ATRX: variants seen among roughly 807,000 people sequenced by gnomAD.
The protein encoded by ATRX is chromatin remodeler ATRX.
A neutral mutation model predicts 172.6 loss-of-function variants in ATRX; 12 were observed. The observed-to-expected ratio is 0.07, with a 90% confidence interval of 0.04 to 0.11. The LOEUF (loss-of-function observed/expected upper bound fraction) is 0.11, where lower values mean the gene tolerates loss of function less well. Ranked by LOEUF, ATRX falls within the 10% of genes least tolerant of loss-of-function variation. The probability of loss-of-function intolerance (pLI) is 1.00; values close to 1 mark genes in which losing one functional copy is unlikely to be tolerated. For missense variants in ATRX, 1,368 were observed against 1,767.4 expected (o/e 0.77, Z 4.05); for synonymous variants, 674 against 594.7 (o/e 1.13, Z -1.94).
chrX:77,629,434 T>G (rs2068012934), intron 19 of ATRX, among the ~76,000 whole-genome samples: 1 of 112,174 alleles, frequency 8.9e-6, no homozygotes, highest in Admixed American at 9.4e-5. Flanking sequence ...ACCTTAAAAC[T>G]TAACAACAGT....
intron 1 of ATRX, among the ~76,000 whole-genome samples, chrX:77,750,394 TA>T (rs2075254345): frequency 9.0e-6 from 1 of 111,686 alleles, no homozygotes; most frequent in South Asian, 3.7e-4. Flanking sequence ...CACAAACGTA[TA>T]ACACCACCTT....
At chrX:77,662,942 G>A (rs928342067) in intron 12 of ATRX, among the ~76,000 whole-genome samples, 5 of 111,861 alleles carry the variant, frequency 4.5e-5, no homozygotes, top group Non-Finnish European at 9.4e-5. Context: ...TGATCCACCC[G>A]ACTTGGCCTC....
chrX:77,667,581 A>T (rs1344723236), intron 10 of ATRX, among the ~76,000 whole-genome samples: 1 of 111,519 alleles, frequency 9.0e-6, no homozygotes, highest in Non-Finnish European at 1.9e-5. Flanking sequence ...TAATTGTAGG[A>T]AATCACACAA....
chrX:77,743,505 A>T lies in ATRX; in HGVS notation c.21-26262T>A, dbSNP rs1454101707. On this transcript the variant is annotated intron_variant, in intron 1 of 34. Coordinates refer to ENST00000373344, the MANE Select transcript of ATRX (RefSeq NM_000489.6). Reference sequence around the variant, plus strand: ...GGTTACCAGGGGATTCCACAACCAAACCCACTACCTGAAACACTCTGAAAC... The same window carrying T: ...GGTTACCAGGGGATTCCACAACCAATCCCACTACCTGAAACACTCTGAAAC... 7.2e-5 allele frequency among the ~76,000 whole-genome samples: 8 copies of T among 110,420 alleles called. No homozygotes were observed. In the Admixed American group the frequency reaches 7.8e-4, roughly 11 times the overall value.
intron 27 of ATRX, among the ~76,000 whole-genome samples, chrX:77,574,843 G>C (rs45533940): frequency 9.0e-6 from 1 of 110,983 alleles, no homozygotes. Context: ...CTATGGGGTA[G>C]CTGCAAATTT....
At chrX:77,763,612 AG>A (rs1199250049) in intron 1 of ATRX, among the ~76,000 whole-genome samples, 2 of 107,204 alleles carry the variant, frequency 1.9e-5, no homozygotes, top group Non-Finnish European at 3.9e-5. Context: ...CTAGGATTAC[AG>A]GCGCCCACCA....
In ATRX at chrX:77,551,802, G is replaced by T. The variant is rs1012446923; in HGVS notation, c.6699+5649C>A. ...CAAACAAACAACCCCGTCAACAAGTGAGTGAAGGGTATGAACAGACACTTC... is the reference window on the plus strand; with the variant it reads ...CAAACAAACAACCCCGTCAACAAGTTAGTGAAGGGTATGAACAGACACTTC... On this transcript the variant is annotated intron_variant, in intron 30 of 34. Transcript: ENST00000373344. Among the ~76,000 whole-genome samples the T allele has an allele frequency of 1.2e-4, 13 of 112,088 alleles. 1 individual carries two copies. The highest frequency in any genetic ancestry group is 3.9e-4 in the African/African-American group (12 of 30,779).
chrX:77,591,686 G>T (rs2066262146), intron 26 of ATRX, among the ~76,000 whole-genome samples: 1 of 112,006 alleles, frequency 8.9e-6, no homozygotes. Flanking sequence ...CTGGTGCTCA[G>T]CTCAAATGAC....
At chrX:77,728,507 T>C (rs1279016547) in intron 1 of ATRX, among the ~76,000 whole-genome samples, 1 of 111,700 alleles carries the variant, frequency 9.0e-6, no homozygotes, top group Non-Finnish European at 1.9e-5. Flanking sequence ...AAGAAATGAA[T>C]ATAAAACTGC....
intron 11 of ATRX, among the ~76,000 whole-genome samples, chrX:77,664,329 G>A (rs1475354709): frequency 2.8e-5 from 3 of 108,289 alleles, no homozygotes; most frequent in Admixed American, 9.9e-5. Context: ...GCGTGATCTC[G>A]GCTCACTGCA....
chrX:77,540,847 G>A (rs1302790215), intron 30 of ATRX, among the ~76,000 whole-genome samples: 2 of 111,856 alleles, frequency 1.8e-5, no homozygotes, highest in African/African-American at 6.5e-5. Flanking sequence ...AGCACTAAAT[G>A]CCCACAAGAG....
In ATRX at chrX:77,664,722, T is replaced by C. The variant is rs2070140059; in HGVS notation, c.3866A>G (p.Asp1289Gly). ...TTCTGGCTCATCATCTGAAGATCCATCCTCATCAGAGGAAAGATTGGCTTT... is the reference window on the plus strand; with the variant it reads ...TTCTGGCTCATCATCTGAAGATCCACCCTCATCAGAGGAAAGATTGGCTTT... The part of the protein sequence containing the change: ...EIKANLSSDE[D>G]GSSDDEPEEG... The change falls in exon 11 of 35, where the codon GAT (aspartate) becomes GGT (glycine). Residue 1289 changes from aspartate to glycine, a missense_variant. By Grantham distance (94) the Asp-to-Gly change is moderately conservative (BLOSUM62 -1). Coordinates refer to ENST00000373344, the MANE Select transcript of ATRX (RefSeq NM_000489.6). The C allele has an allele frequency of 8.3e-7, 1 of 1,208,083 alleles. No individual in the cohort carries two copies. The highest frequency in any genetic ancestry group is 1.1e-6 in the Non-Finnish European group (1 of 892,407).
chrX:77,677,076 CGCACCACG>C (rs1364425230), intron 9 of ATRX, among the ~76,000 whole-genome samples: 3 of 107,006 alleles, frequency 2.8e-5, no homozygotes, highest in African/African-American at 1.0e-4. Context: ...AAGCCAAGAT[CGCACCACG>C]GCACTCCAGC....
chrX:77,755,475 C>A (rs1000166463), intron 1 of ATRX, among the ~76,000 whole-genome samples: 6 of 112,306 alleles, frequency 5.3e-5, no homozygotes, highest in Admixed American at 1.9e-4. Flanking sequence ...GTGGATTTAT[C>A]TACCTTTGAT....
chrX:77,688,510 G>A (rs2071704483), intron 7 of ATRX, among the ~76,000 whole-genome samples: 1 of 111,107 alleles, frequency 9.0e-6, no homozygotes, highest in African/African-American at 3.3e-5. Context: ...ATACTATGTT[G>A]CCTCTTCCCA....
At chrX:77,767,269 GA>G (rs1433823165) in intron 1 of ATRX, among the ~76,000 whole-genome samples, 1 of 108,429 alleles carries the variant, frequency 9.2e-6, no homozygotes, top group African/African-American at 3.4e-5. Context: ...GAGAGAGGGA[GA>G]GGGGGAGAGG....
chrX:77,580,773 C>T lies in ATRX; in HGVS notation c.6218-6415G>A, dbSNP rs2065799022. On this transcript the variant is annotated intron_variant, in intron 27 of 34. Transcript: ENST00000373344. ...CATAGAAAAATACAGAATATTATAACAGCGTAACTGTGGTGTATAAATTAC... is the reference window on the plus strand; with the variant it reads ...CATAGAAAAATACAGAATATTATAATAGCGTAACTGTGGTGTATAAATTAC... 2.7e-5 allele frequency among the ~76,000 whole-genome samples: 3 copies of T among 111,614 alleles called. No individual in the cohort carries two copies. The South Asian group carries it at 1.1e-3, about 42-fold the overall frequency.
At chrX:77,716,577 T>C (rs1188466026) in intron 2 of ATRX, among the ~76,000 whole-genome samples, 1 of 107,478 alleles carries the variant, frequency 9.3e-6, no homozygotes, top group Non-Finnish European at 1.9e-5. Context: ...ACCCAGTCTC[T>C]ACTAAAAATA....
intron 2 of ATRX, among the ~76,000 whole-genome samples, chrX:77,702,812 A>G (rs1364415473): frequency 2.7e-5 from 3 of 111,237 alleles, no homozygotes; most frequent in Non-Finnish European, 5.7e-5. Flanking sequence ...CTGCCGCCTC[A>G]AATTCCTGGG....
Sources: gnomAD v4.1 joint callset for allele counts (sites outside exome capture counted in the v4.1 genomes callset) on GRCh38, gnomAD v4.1.1 for gene constraint, MANE v1.5 for transcripts, NCBI Gene and HGNC (gene_info 2026-07-23, HGNC 2026-07-21) for gene names.